The following MRE11 variants were observed in gnomAD, a reference collection of about 807,000 sequenced individuals.
MRE11 encodes double-strand break repair protein MRE11.
In MRE11, 62 loss-of-function variants were observed where a neutral mutation model predicts 91.7. The ratio of observed to expected loss-of-function variants is 0.68; its 90% CI spans 0.55 to 0.84. MRE11 has a LOEUF of 0.84. Ranked by LOEUF, MRE11 falls within the 40% of genes least tolerant of loss-of-function variation. The pLI is 0.00. For missense variants in MRE11, 796 were observed against 852.9 expected (o/e 0.93, Z 0.83); for synonymous variants, 273 against 271.4 (o/e 1.01, Z -0.06).
chr11:94,449,957 C>T (rs1946055035), intron 14 of MRE11, among the ~76,000 whole-genome samples: 1 of 152,164 alleles, frequency 6.6e-6, no homozygotes, highest in African/African-American at 2.4e-5. Context: ...ATATTTATTG[C>T]ATTTTCTGCA....
intron 7 of MRE11, chr11:94,475,717 A>G: frequency 2.3e-6 from 1 of 440,304 alleles, no homozygotes; most frequent in Non-Finnish European, 4.5e-6. Context: ...ATGTAGCAGG[A>G]AACATGTCTA....
chr11:94,470,829 T>C (rs775811467), intron 8 of MRE11, among the ~76,000 whole-genome samples, 187 bp from the exon 9 acceptor site: 3 of 152,108 alleles, frequency 2.0e-5, no homozygotes, highest in Non-Finnish European at 4.4e-5. Context: ...GACATTTTCC[T>C]TCCCCAGAGT....
intron 9 of MRE11, 21 bp from the exon 10 acceptor site, chr11:94,467,914 TA>T (rs760785030): frequency 4.4e-6 from 7 of 1,601,824 alleles, no homozygotes; most frequent in Non-Finnish European, 5.1e-6. Flanking sequence ...TTAAAAAGAT[TA>T]AAAAACAACG....
At chr11:94,462,244 G>A (rs1167398810) in intron 11 of MRE11, among the ~76,000 whole-genome samples, 2 of 152,092 alleles carry the variant, frequency 1.3e-5, no homozygotes, top group Non-Finnish European at 2.9e-5. Context: ...CCTCTTCAAG[G>A]AGAACTACAA....
At chr11:94,456,776 T>C (rs1293869742) in intron 13 of MRE11, among the ~76,000 whole-genome samples, 1 of 152,190 alleles carries the variant, frequency 6.6e-6, no homozygotes, top group Non-Finnish European at 1.5e-5. Flanking sequence ...GGGTGGCCCC[T>C]GAAGATCCAT....
chr11:94,486,408 A>T (rs1473471783), intron 3 of MRE11, among the ~76,000 whole-genome samples: 1 of 152,214 alleles, frequency 6.6e-6, no homozygotes, highest in East Asian at 1.9e-4. Flanking sequence ...AGAGATACCA[A>T]ATTCAATCCA....
Position 94,493,812 on chromosome 11 carries a change from TA to T in MRE11, c.-128del, listed in dbSNP as rs1947361670. 1.3e-5 allele frequency: 2 copies of T among 152,226 alleles called. No individual in the cohort carries two copies. Among genetic ancestry groups the T allele is most frequent in the South Asian group, 4.1e-4 (2 of 4,838 alleles). 9.4% of individuals were successfully genotyped at this position (152,226 alleles called of 1,614,324 possible). On this transcript the variant is annotated 5_prime_UTR_variant, in exon 1 of 20. Transcript: ENST00000323929. ...TTGCCTCTGAGAACCCGCAGGGCCG[TA>T]AACCTGAATTCCGCGGGAGAGAACG...
chr11:94,502,598 T>TGG, the MRE11 span, among the ~76,000 whole-genome samples: 1 of 152,244 alleles, frequency 6.6e-6, no homozygotes, highest in South Asian at 2.1e-4. Flanking sequence ...TACTTTTAAA[T>TGG]ATGCTTGCCA....
At chr11:94,494,034 A>C (rs1266644924), upstream of MRE11, 1 of 152,394 alleles carries the variant, frequency 6.6e-6, no homozygotes, top group Non-Finnish European at 1.5e-5. Flanking sequence ...CCCTTCTGTC[A>C]GGTGGGTTGT....
chr11:94,417,402 G>A lies in MRE11; in HGVS notation c.*2723C>T, dbSNP rs1373350491. The A allele has an allele frequency of 4.3e-6, 1 of 231,834 alleles. No individual in the cohort carries two copies. The highest frequency in any genetic ancestry group is 2.2e-5 in the African/African-American group (1 of 45,226). The allele number at this position is 231,834 out of a possible 1,614,324, so 14.4% of individuals were successfully genotyped here. A position where few individuals can be genotyped will look rare whatever the true frequency, so the allele number is the denominator to read the frequency against. The stretch of plus-strand genomic sequence containing the variant: ...ATCAAGCTGGTAAATTCCATAACAG[G>A]CTGAACCAAATGAAATACCTAAGTA... On this transcript the variant is annotated 3_prime_UTR_variant, in exon 20 of 20. Coordinates refer to ENST00000323929, the MANE Select transcript of MRE11 (RefSeq NM_005591.4).
rs1946448549 is a variant in MRE11, at chr11:94,462,524, A to C, written c.1226-1488T>G. 2.0e-5 allele frequency among the ~76,000 whole-genome samples: 3 copies of C among 152,220 alleles called. No individual in the cohort carries two copies. In the South Asian group the frequency reaches 6.2e-4, roughly 32 times the overall value. On this transcript the variant is annotated intron_variant, in intron 11 of 19. Transcript: ENST00000323929. ...CGAGGCATCACCCTACCTGACTTCAAACTGCACAACAAGGCTACAGTAACC... is the reference window on the plus strand; with the variant it reads ...CGAGGCATCACCCTACCTGACTTCACACTGCACAACAAGGCTACAGTAACC...
chr11:94,472,370 A>C (rs1490368379), intron 7 of MRE11, among the ~76,000 whole-genome samples: 5 of 152,132 alleles, frequency 3.3e-5, no homozygotes, highest in African/African-American at 1.2e-4. Context: ...ATATTAACTT[A>C]CATCATTGGA....
intron 13 of MRE11, among the ~76,000 whole-genome samples, chr11:94,457,498 G>A (rs1481595165): frequency 6.6e-6 from 1 of 151,932 alleles, no homozygotes; most frequent in Non-Finnish European, 1.5e-5. Context: ...ATTCAGTAGA[G>A]GAAAAATACA....
intron 3 of MRE11, among the ~76,000 whole-genome samples, chr11:94,488,662 T>C (rs1947204658): frequency 6.6e-6 from 1 of 152,194 alleles, no homozygotes; most frequent in Non-Finnish European, 1.5e-5. Flanking sequence ...GGGACACGGA[T>C]GGAGCTGGAG....
intron 19 of MRE11, among the ~76,000 whole-genome samples, chr11:94,427,698 T>TAA (rs144875210): frequency 6.9e-6 from 1 of 145,000 alleles, no homozygotes; most frequent in African/African-American, 2.6e-5. Flanking sequence ...AGTTTCAGAA[T>TAA]AAAAAAAAAA....
chr11:94,429,915 C>A lies in MRE11; in HGVS notation c.2066G>T (p.Ser689Ile), dbSNP rs1238082340. The change falls in exon 19 of 20, where the codon AGT becomes ATT. Residue 689 changes from serine to isoleucine, a missense_variant. Coordinates refer to ENST00000323929, the MANE Select transcript of MRE11 (RefSeq NM_005591.4). ...TTAACAATATTACTTATTTACCTCA[C>A]TTGATTCAAAATCAACCCCTTTCGA... ...QVSKGVDFESSEDDDDDPFMN... is the reference protein window; with the variant it reads ...QVSKGVDFESIEDDDDDPFMN... 3 of 1,612,506 alleles carry A rather than the reference C, an allele frequency of 1.9e-6. No homozygotes were observed. The highest frequency in any genetic ancestry group is 2.2e-5 in the South Asian group (2 of 90,922).
intron 16 of MRE11, among the ~76,000 whole-genome samples, chr11:94,438,649 T>C (rs1488548325): frequency 6.6e-6 from 1 of 152,208 alleles, no homozygotes; most frequent in Non-Finnish European, 1.5e-5. Context: ...AGATGAGTGA[T>C]GTTGTGAAAT....
At chr11:94,466,563 T>C in intron 10 of MRE11, 1 of 506,398 alleles carries the variant, frequency 2.0e-6, no homozygotes, top group Non-Finnish European at 4.1e-6. Flanking sequence ...CCGCAAATAC[T>C]TTTGCACCAA....
intron 16 of MRE11, among the ~76,000 whole-genome samples, chr11:94,443,954 A>G (rs1241230890): frequency 7.6e-6 from 1 of 130,912 alleles, no homozygotes; most frequent in Admixed American, 8.6e-5. Context: ...ACGCTCCGTC[A>G]CCCAGTTCAG....
Sources: allele counts gnomAD v4.1 joint callset (sites outside exome capture counted in the v4.1 genomes callset), GRCh38; gene constraint gnomAD v4.1.1; transcripts MANE v1.5; gene names NCBI Gene and HGNC (gene_info 2026-07-23, HGNC 2026-07-21).